The following TNRC6B variants were observed in gnomAD, a reference collection of about 807,000 sequenced individuals.
TNRC6B encodes the protein trinucleotide repeat containing adaptor 6B.
In TNRC6B, 52 loss-of-function variants were observed where a neutral mutation model predicts 203.6. The observed-to-expected ratio is 0.26, with a 90% CI of 0.20 to 0.32. The LOEUF (loss-of-function observed/expected upper bound fraction) is 0.32. Ranked by LOEUF, TNRC6B falls within the 10% of genes least tolerant of loss-of-function variation. The pLI, the probability that TNRC6B is intolerant of heterozygous loss-of-function variation, is 1.00. For missense variants in TNRC6B, 1,923 were observed against 2,286.2 expected, an observed-to-expected ratio of 0.84 and a Z score of 3.24; for synonymous variants, 838 against 845.7, an observed-to-expected ratio of 0.99 and a Z score of 0.16.
chr22:40,285,496 TA>T, intron 11 of TNRC6B, 148 bp from the exon 12 acceptor site: 3 of 876,896 alleles, frequency 3.4e-6, no homozygotes, highest in South Asian at 2.1e-5. Context: ...CCAAGCCTTC[TA>T]AGATAAGGAA....
chr22:40,191,947 C>T (rs1331559765), intron 1 of TNRC6B, among the ~76,000 whole-genome samples: 2 of 152,178 alleles, frequency 1.3e-5, no homozygotes, highest in Non-Finnish European at 2.9e-5. Context: ...GACGGGGTTT[C>T]GCCATGTTGG....
chr22:40,319,395 A>G (rs2071304045), intron 21 of TNRC6B, among the ~76,000 whole-genome samples: 1 of 150,426 alleles, frequency 6.6e-6, no homozygotes, highest in Non-Finnish European at 1.5e-5. Flanking sequence ...CACATAACTT[A>G]CAGTATGTTG....
Position 40,266,277 on chromosome 22 carries a change from C to G in TNRC6B, c.2047C>G (p.Leu683Val), listed in dbSNP as rs1162696666. Residue 683 changes from leucine (L) to valine (V), a missense_variant, in exon 5 of 23, where the codon CTC (leucine) becomes GTC (valine). By Grantham distance (32) the Leu-to-Val change is conservative. Around this residue, in one of 8 missense-constraint regions of TNRC6B, gnomAD observed 599 missense variants for 656.5 expected, o/e 0.91. Coordinates refer to ENST00000454349, the MANE Select transcript of TNRC6B (RefSeq NM_001162501.2). ...SNQMKSGWGE[L>V]SASTEWKDPK... ...TCAAATGAAGTCTGGATGGGGGGAG[C>G]TCTCAGCCTCTACAGAGTGGAAAGA... 6.3e-7 allele frequency: 1 copy of G among 1,590,922 alleles called. No homozygotes were observed. Among genetic ancestry groups the G allele is most frequent in the Non-Finnish European group, 8.6e-7 (1 of 1,168,462 alleles).
rs531216169 is a variant in TNRC6B, at chr22:40,255,662, C to T, written c.115+4462C>T. Among the ~76,000 whole-genome samples, 14 of 152,308 alleles carry T rather than the reference C, an allele frequency of 9.2e-5. No individual in the cohort carries two copies. The South Asian group carries it at 2.9e-3, about 32-fold the overall frequency. ...TAGTCCAAATAGGAGGTAATGAGGA[C>T]TTGAACCCGATTAGGAGGCCAGGTG... On this transcript the variant is annotated intron_variant, in intron 3 of 22. Coordinates refer to ENST00000454349, the MANE Select transcript of TNRC6B (RefSeq NM_001162501.2).
At chr22:40,106,769 T>C (rs890864027) in intron 1 of TNRC6B, 29 of 822,062 alleles carry the variant, frequency 3.5e-5, no homozygotes, top group South Asian at 2.8e-4. Context: ...GCTTACCCCA[T>C]TGATACCTCT....
At chr22:40,318,775 T>TA (rs2071294256) in intron 21 of TNRC6B, among the ~76,000 whole-genome samples, 1 of 152,086 alleles carries the variant, frequency 6.6e-6, no homozygotes, top group Non-Finnish European at 1.5e-5. Context: ...TGTTCTATCT[T>TA]ATGAAAAATG....
intron 1 of TNRC6B, among the ~76,000 whole-genome samples, chr22:40,206,508 A>G (rs1028858258): frequency 3.9e-5 from 6 of 152,226 alleles, no homozygotes; most frequent in African/African-American, 7.2e-5. Context: ...AAAAATGTCA[A>G]TTCTTCTTGA....
chr22:40,268,723 A>G (rs1043074773), intron 5 of TNRC6B, among the ~76,000 whole-genome samples: 1 of 151,828 alleles, frequency 6.6e-6, no homozygotes, highest in Non-Finnish European at 1.5e-5. Flanking sequence ...CATCTTGGCT[A>G]ACACGGTGAA....
At chr22:40,115,918 G>T (rs1178226184) in intron 1 of TNRC6B, among the ~76,000 whole-genome samples, 1 of 152,180 alleles carries the variant, frequency 6.6e-6, no homozygotes, top group Non-Finnish European at 1.5e-5. Flanking sequence ...AAGAAAGACT[G>T]CTGTGATACA....
At chr22:40,280,502 T>G (rs548346600) in intron 10 of TNRC6B, among the ~76,000 whole-genome samples, 112 of 152,248 alleles carry the variant, frequency 7.4e-4, no homozygotes, top group Non-Finnish European at 1.6e-3. Context: ...AGGCCTTGCC[T>G]TCTTCTAGTT....
At chr22:40,108,689 TAAAGA>T (rs2068307606) in intron 1 of TNRC6B, among the ~76,000 whole-genome samples, 2 of 152,210 alleles carry the variant, frequency 1.3e-5, no homozygotes, top group Non-Finnish European at 1.5e-5. Flanking sequence ...AGCTAGACAT[TAAAGA>T]AATTTGCAAA....
At chr22:40,177,514 A>G (rs2069074690), upstream of TNRC6B, among the ~76,000 whole-genome samples, 1 of 152,148 alleles carries the variant, frequency 6.6e-6, no homozygotes, top group South Asian at 2.1e-4. Flanking sequence ...ATTTCACCTC[A>G]TTCTTTCAAA....
chr22:40,151,248 G>A (rs1215346046), intron 3 of TNRC6B, among the ~76,000 whole-genome samples: 2 of 152,026 alleles, frequency 1.3e-5, no homozygotes, highest in Non-Finnish European at 2.9e-5. Flanking sequence ...TCCAGCTTGG[G>A]CAACAGAGTG....
At chr22:40,225,248 A>C (rs2069767081) in intron 1 of TNRC6B, among the ~76,000 whole-genome samples, 1 of 152,148 alleles carries the variant, frequency 6.6e-6, no homozygotes, top group South Asian at 2.1e-4. Context: ...GGATTTTGAG[A>C]GATGGAGGCA....
At chr22:40,050,099 T>A (rs1159682068) in intron 1 of TNRC6B, among the ~76,000 whole-genome samples, 1 of 152,064 alleles carries the variant, frequency 6.6e-6, no homozygotes, top group Non-Finnish European at 1.5e-5. Flanking sequence ...GGCCATATAA[T>A]AAACTCTGTT....
intron 1 of TNRC6B, among the ~76,000 whole-genome samples, chr22:40,073,459 G>A (rs1825525417): frequency 6.6e-6 from 1 of 152,080 alleles, no homozygotes; most frequent in Non-Finnish European, 1.5e-5. Flanking sequence ...AGCTTTGGCT[G>A]GTAGAGTACA....
intron 12 of TNRC6B, among the ~76,000 whole-genome samples, chr22:40,292,655 C>T (rs2070883831): frequency 6.6e-6 from 1 of 152,242 alleles, no homozygotes; most frequent in Admixed American, 6.5e-5. Context: ...CCTGCACCAC[C>T]GTGATTCCTC....
rs1313079572 is a variant in TNRC6B, at chr22:40,315,481, G to A, written c.4877G>A (p.Gly1626Glu). 6.2e-7 allele frequency: 1 copy of A among 1,613,958 alleles called. No individual in the cohort carries two copies. The change falls in exon 20 of 23, where the codon GGG becomes GAG. Residue 1626 changes from glycine (G) to glutamate (E), a missense_variant. By Grantham distance (98) the Gly-to-Glu change is moderately conservative. Coordinates refer to ENST00000454349, the MANE Select transcript of TNRC6B (RefSeq NM_001162501.2). ...GCACCCCGATCAGTCAGGGGGTGGG[G>A]GACACAGGACTCACGGCTCGCCTCG... ...STAPRSVRGWGTQDSRLASAS... is the reference protein window; with the variant it reads ...STAPRSVRGWETQDSRLASAS...
intron 3 of TNRC6B, among the ~76,000 whole-genome samples, chr22:40,144,739 A>T (rs1188653393): frequency 6.6e-6 from 1 of 151,866 alleles, no homozygotes. Context: ...TCTCAGAAAC[A>T]TTATACCGAG....
Sources: gnomAD v4.1 joint callset for allele counts (sites outside exome capture counted in the v4.1 genomes callset) on GRCh38, gnomAD v4.1.1 for gene constraint, gnomAD v4.1.1 regional missense constraint, MANE v1.5 for transcripts, NCBI Gene and HGNC (gene_info 2026-07-23, HGNC 2026-07-21) for gene names.